AOPEP: variants seen among roughly 807,000 people sequenced by gnomAD.
AOPEP encodes the protein aminopeptidase O.
In AOPEP, 77 loss-of-function variants were observed where a neutral mutation model predicts 98.1. That is an observed-to-expected ratio of 0.78 (90% CI 0.65 to 0.95). The LOEUF (loss-of-function observed/expected upper bound fraction) is 0.95, where lower values mean the gene tolerates loss of function less well. Ranked by LOEUF, AOPEP falls within the 40% of genes least tolerant of loss-of-function variation. The pLI, the probability that AOPEP is intolerant of heterozygous loss-of-function variation, is 0.00. For missense variants in AOPEP, 1,024 were observed against 1,024.7 expected (o/e 1.00, Z 0.01); for synonymous variants, 346 against 365.3 (o/e 0.95, Z 0.60).
the AOPEP span, chr9:95,125,310 C>T: frequency 1.3e-6 from 1 of 755,394 alleles, no homozygotes; most frequent in South Asian, 1.5e-5. Flanking sequence ...AGTATCTCAA[C>T]TCATCAGATT....
intron 5 of AOPEP, among the ~76,000 whole-genome samples, chr9:94,872,148 A>G (rs1197593601): frequency 6.6e-6 from 1 of 152,060 alleles, no homozygotes; most frequent in Non-Finnish European, 1.5e-5. Flanking sequence ...TCTTTTTGGG[A>G]TGAGTTTTTC....
At chr9:94,757,281 T>G (rs1837267792) in intron 1 of AOPEP, among the ~76,000 whole-genome samples, 1 of 152,196 alleles carries the variant, frequency 6.6e-6, no homozygotes, top group African/African-American at 2.4e-5. Flanking sequence ...TCAGCAAGCT[T>G]GGAATTGGAA....
chr9:94,785,214 C>T lies in AOPEP; in HGVS notation c.965-7551C>T, dbSNP rs543250479. Reference sequence around the variant, plus strand: ...CCTCCCAAAGTGCTGGGATTATAGGCGTGAGCCACTGCGCCCGGCCCAAAA... The same window carrying T: ...CCTCCCAAAGTGCTGGGATTATAGGTGTGAGCCACTGCGCCCGGCCCAAAA... On this transcript the variant is annotated intron_variant, in intron 3 of 16. Coordinates refer to ENST00000375315, the MANE Select transcript of AOPEP (RefSeq NM_001193329.3). Among the ~76,000 whole-genome samples, 11 of 152,330 alleles carry T rather than the reference C, an allele frequency of 7.2e-5. No homozygotes were observed. The East Asian group carries it at 2.1e-3, about 29-fold the overall frequency.
rs572705270 is a variant in AOPEP, at chr9:94,960,787, C to T, written c.1872+4772C>T. On this transcript the variant is annotated intron_variant, in intron 9 of 16. Transcript: ENST00000375315. ...CAGCACTTGGGGAGGCCAAAGTGGG[C>T]AGATCACGAGGTCAGGAGATCGAGA... is the stretch of plus-strand genomic sequence containing the variant. 8.6e-5 allele frequency among the ~76,000 whole-genome samples: 13 copies of T among 151,964 alleles called. No homozygotes were observed. The East Asian group carries it at 1.9e-3, about 23-fold the overall frequency.
the AOPEP span, among the ~76,000 whole-genome samples, chr9:95,129,124 A>G: frequency 6.6e-6 from 1 of 152,016 alleles, no homozygotes; most frequent in Admixed American, 6.6e-5. Flanking sequence ...GATGGTCTCG[A>G]TCTCCTGACC....
At chr9:94,745,882 C>T (rs1354380564) in intron 1 of AOPEP, among the ~76,000 whole-genome samples, 1 of 152,112 alleles carries the variant, frequency 6.6e-6, no homozygotes, top group African/African-American at 2.4e-5. Flanking sequence ...TGAGTATATA[C>T]CTAGCAGTGG....
chr9:94,955,197 G>T lies in AOPEP; in HGVS notation c.1682G>T (p.Gly561Val). 2 of 1,612,392 alleles carry T rather than the reference G, an allele frequency of 1.2e-6. No individual in the cohort carries two copies. The highest frequency in any genetic ancestry group is 2.2e-5 in the East Asian group (1 of 44,844). ...TTTAGACCCAGTAAAGACAAAACTGGCCACACAAGTGACTCGGGAGCATCT... is the reference window on the plus strand; with the variant it reads ...TTTAGACCCAGTAAAGACAAAACTGTCCACACAAGTGACTCGGGAGCATCT... ...QVLRPSKDKT[G>V]HTSDSGASVI... Residue 561 changes from glycine to valine, a missense_variant, in exon 8 of 17, where the codon GGC (glycine) becomes GTC (valine). Transcript: ENST00000375315.
intron 1 of AOPEP, among the ~76,000 whole-genome samples, chr9:94,740,648 G>A (rs1418409751): frequency 6.6e-6 from 1 of 152,080 alleles, no homozygotes; most frequent in Non-Finnish European, 1.5e-5. Flanking sequence ...AGCCATGCAG[G>A]ACACAAGATC....
At chr9:94,876,750 T>C (rs2046994871) in intron 5 of AOPEP, among the ~76,000 whole-genome samples, 1 of 152,178 alleles carries the variant, frequency 6.6e-6, no homozygotes, top group Admixed American at 6.5e-5. Flanking sequence ...CCTTCTGTAG[T>C]AACAAAATCA....
chr9:94,949,422 TC>T (rs1349462669), intron 7 of AOPEP, among the ~76,000 whole-genome samples: 1 of 152,194 alleles, frequency 6.6e-6, no homozygotes, highest in Non-Finnish European at 1.5e-5. Flanking sequence ...CACCACTGGG[TC>T]CTTTCACTCT....
intron 1 of AOPEP, among the ~76,000 whole-genome samples, chr9:94,730,393 G>A (rs1010371312): frequency 1.3e-5 from 2 of 151,742 alleles, no homozygotes; most frequent in African/African-American, 4.9e-5. Flanking sequence ...CCTTGAGAGT[G>A]AAGAAAAAAC....
intron 5 of AOPEP, among the ~76,000 whole-genome samples, chr9:94,843,458 G>T (rs1294504153): frequency 6.6e-6 from 1 of 152,166 alleles, no homozygotes; most frequent in East Asian, 1.9e-4. Flanking sequence ...GTGTCTCTGA[G>T]CCTTGGTTCT....
chr9:95,026,609 G>A (rs181611276), intron 13 of AOPEP, among the ~76,000 whole-genome samples: 1 of 152,274 alleles, frequency 6.6e-6, no homozygotes, highest in East Asian at 1.9e-4. Flanking sequence ...TGCACATTTG[G>A]GTTATTTCCA....
At chr9:95,080,169 C>T (rs1411791965) in intron 14 of AOPEP, among the ~76,000 whole-genome samples, 1 of 152,236 alleles carries the variant, frequency 6.6e-6, no homozygotes, top group Non-Finnish European at 1.5e-5. Flanking sequence ...AAACACCCAA[C>T]AGAAACACCT....
intron 5 of AOPEP, among the ~76,000 whole-genome samples, chr9:94,867,459 T>C (rs2045838570): frequency 6.6e-6 from 1 of 152,214 alleles, no homozygotes; most frequent in African/African-American, 2.4e-5. Context: ...TAAGTCTGCC[T>C]GTTCCACACG....
At chr9:95,072,531 G>A (rs2068615945) in intron 14 of AOPEP, among the ~76,000 whole-genome samples, 1 of 152,162 alleles carries the variant, frequency 6.6e-6, no homozygotes, top group Non-Finnish European at 1.5e-5. Flanking sequence ...TACTGGGGAG[G>A]CTGAGGTGGG....
intron 3 of AOPEP, among the ~76,000 whole-genome samples, chr9:94,789,440 A>C (rs904078471): frequency 1.3e-5 from 2 of 152,218 alleles, no homozygotes; most frequent in Non-Finnish European, 2.9e-5. Context: ...TTGATTAAGA[A>C]AATGTGTTTT....
chr9:94,795,871 G>A (rs976014762), intron 4 of AOPEP, among the ~76,000 whole-genome samples: 5 of 152,168 alleles, frequency 3.3e-5, no homozygotes, highest in African/African-American at 1.2e-4. Flanking sequence ...CACCAGTTGA[G>A]GAACAGACAG....
chr9:95,046,682 T>TA (rs2065896206), intron 13 of AOPEP, among the ~76,000 whole-genome samples: 3 of 152,272 alleles, frequency 2.0e-5, no homozygotes, highest in South Asian at 4.1e-4. Context: ...TTGGGAGTGT[T>TA]ACATTTTCTC....
Sources: allele counts gnomAD v4.1 joint callset (sites outside exome capture counted in the v4.1 genomes callset), GRCh38; gene constraint gnomAD v4.1.1; transcripts MANE v1.5; gene names NCBI Gene and HGNC (gene_info 2026-07-23, HGNC 2026-07-21).